Variants in SORCS2 observed in about 807,000 individuals in gnomAD.
SORCS2 encodes VPS10 domain-containing receptor SorCS2.
Under a neutral mutation model 141.6 loss-of-function variants are expected in SORCS2, and 100 were observed. That is an observed-to-expected ratio of 0.71 (90% CI 0.60 to 0.83). The LOEUF is 0.83. Among genes scored for constraint, SORCS2 ranks in the 40% least tolerant of loss-of-function variants. SORCS2 has a pLI of 0.00. For synonymous variants in SORCS2, 789 were observed against 676.9 expected, an observed-to-expected ratio of 1.17 and a Z score of -2.57; for missense variants, 1,646 against 1,560.2, an observed-to-expected ratio of 1.05 and a Z score of -0.93.
intron 1 of SORCS2, among the ~76,000 whole-genome samples, chr4:7,253,328 T>C (rs1372342061): frequency 6.6e-6 from 1 of 152,210 alleles, no homozygotes; most frequent in African/African-American, 2.4e-5. Context: ...GGCTCCATCC[T>C]GAATCTGTGG....
At chr4:7,723,418 GCCTCTC>G (rs918005817) in intron 18 of SORCS2, among the ~76,000 whole-genome samples, 3 of 152,112 alleles carry the variant, frequency 2.0e-5, no homozygotes, top group African/African-American at 4.8e-5. Context: ...ACACCCTTGG[GCCTCTC>G]CCTCTCCCTC....
chr4:7,297,856 G>A (rs188762923), intron 1 of SORCS2, among the ~76,000 whole-genome samples: 1 of 152,188 alleles, frequency 6.6e-6, no homozygotes, highest in African/African-American at 2.4e-5. Context: ...TGGCCCCACC[G>A]TCCAGAGGGC....
At chr4:7,226,704 C>T (rs529120537) in intron 1 of SORCS2, among the ~76,000 whole-genome samples, 48 of 152,310 alleles carry the variant, frequency 3.2e-4, no homozygotes, top group Non-Finnish European at 5.9e-4. Flanking sequence ...TGCAGTGGCC[C>T]TGCGGCGGCT....
rs144651342 is a variant in SORCS2, at chr4:7,369,783, C to T, written c.481-26505C>T. 3.1e-3 allele frequency among the ~76,000 whole-genome samples: 472 copies of T among 152,316 alleles called. 1 individual carries two copies. The highest frequency in any genetic ancestry group is 0.011 in the African/African-American group (462 of 41,568). On this transcript the variant is annotated intron_variant, in intron 1 of 26. Transcript: ENST00000507866. ...CAGATCCACCCGTGGATTTCGTCAG[C>T]GCATCTTCAGCCTCCCCACCATGGG...
At chr4:7,507,632 T>G (rs1246706618) in intron 2 of SORCS2, among the ~76,000 whole-genome samples, 1 of 152,198 alleles carries the variant, frequency 6.6e-6, no homozygotes, top group African/African-American at 2.4e-5. Flanking sequence ...GTGGAGTGAT[T>G]CCACTCAGCA....
At chr4:7,393,351 C>T (rs1048761502) in intron 1 of SORCS2, among the ~76,000 whole-genome samples, 7 of 152,102 alleles carry the variant, frequency 4.6e-5, no homozygotes, top group African/African-American at 1.7e-4. Context: ...ACGTCAGCCA[C>T]TGAAAAAAAC....
chr4:7,523,733 C>G (rs147536596), intron 2 of SORCS2, among the ~76,000 whole-genome samples: 292 of 152,314 alleles, frequency 1.9e-3, no homozygotes, highest in African/African-American at 6.4e-3. Flanking sequence ...ACTATCGACC[C>G]CTAGCTGCGT....
chr4:7,329,660 G>A (rs1719515542), intron 1 of SORCS2, among the ~76,000 whole-genome samples: 1 of 152,218 alleles, frequency 6.6e-6, no homozygotes, highest in Non-Finnish European at 1.5e-5. Flanking sequence ...TGTAACAAAT[G>A]CCCGCAAACT....
At position 7,400,164 on chromosome 4, in the gene SORCS2, C is replaced by T. The variant is rs187468849; in HGVS notation, c.548+3809C>T. Among the ~76,000 whole-genome samples the T allele has an allele frequency of 1.6e-3, 237 of 151,930 alleles. 2 individuals carry two copies. Among genetic ancestry groups the T allele is most frequent in the Non-Finnish European group, 6.8e-4 (46 of 67,962 alleles). On this transcript the variant is annotated intron_variant, in intron 2 of 26. Coordinates refer to ENST00000507866, the MANE Select transcript of SORCS2 (RefSeq NM_020777.3). ...ACCCCACCCCCGGCTCCTACCCCAT[C>T]CCCAGTCTCAGCTCCTCCCACTCTA...
At chr4:7,399,649 T>C (rs1405425505) in intron 2 of SORCS2, among the ~76,000 whole-genome samples, 2 of 152,134 alleles carry the variant, frequency 1.3e-5, no homozygotes, top group African/African-American at 4.8e-5. Context: ...AAGCCCCTGG[T>C]TGGCATCAGG....
intron 1 of SORCS2, among the ~76,000 whole-genome samples, chr4:7,200,054 G>A (rs10016445): frequency 0.044 from 6,692 of 152,172 alleles, 401 homozygotes; most frequent in African/African-American, 0.13. Flanking sequence ...CGGTTGCCCC[G>A]CGTGCAGGGC....
chr4:7,439,367 A>T (rs773486752), intron 2 of SORCS2, among the ~76,000 whole-genome samples: 1 of 152,190 alleles, frequency 6.6e-6, no homozygotes, highest in Non-Finnish European at 1.5e-5. Flanking sequence ...ACCCTAGAAT[A>T]TACCCAAGAC....
chr4:7,212,282 G>T (rs1235852351), intron 1 of SORCS2, among the ~76,000 whole-genome samples: 5 of 152,152 alleles, frequency 3.3e-5, no homozygotes, highest in African/African-American at 1.2e-4. Context: ...CTTCCCAGTT[G>T]GTTTAAAGTT....
chr4:7,443,315 G>T (rs1727794370), intron 2 of SORCS2, among the ~76,000 whole-genome samples: 1 of 152,160 alleles, frequency 6.6e-6, no homozygotes. Context: ...TCTGGAAGGG[G>T]AGGCCACCTG....
intron 3 of SORCS2, among the ~76,000 whole-genome samples, chr4:7,547,488 C>T (rs958738088): frequency 6.6e-6 from 1 of 152,268 alleles, no homozygotes; most frequent in Non-Finnish European, 1.5e-5. Flanking sequence ...TCCATGCCTG[C>T]AGGCCTGTGC....
chr4:7,268,017 C>T lies in SORCS2; in HGVS notation c.480+74891C>T, dbSNP rs190421164. 2.6e-3 allele frequency among the ~76,000 whole-genome samples: 394 copies of T among 152,272 alleles called. 2 individuals carry two copies. Among genetic ancestry groups the T allele is most frequent in the African/African-American group, 9.1e-3 (377 of 41,562 alleles). ...CCGGAAGATGCAGGCCCGCTGGTGC[C>T]GGCTGTGTGGGGTTTGGGGTTTGTG... On this transcript the variant is annotated intron_variant, in intron 1 of 26. Transcript: ENST00000507866.
chr4:7,569,248 C>T (rs1235239369), intron 3 of SORCS2, among the ~76,000 whole-genome samples: 2 of 152,180 alleles, frequency 1.3e-5, no homozygotes, highest in African/African-American at 2.4e-5. Context: ...TGTGGTGGCT[C>T]ATGCCTGTAA....
chr4:7,416,042 T>A (rs1725644355), intron 2 of SORCS2, among the ~76,000 whole-genome samples: 1 of 152,100 alleles, frequency 6.6e-6, no homozygotes, highest in Non-Finnish European at 1.5e-5. Context: ...CTAAGGAGTT[T>A]AGAGCGGCTA....
At chr4:7,475,907 A>T (rs1577626608) in intron 2 of SORCS2, among the ~76,000 whole-genome samples, 1 of 152,204 alleles carries the variant, frequency 6.6e-6, no homozygotes, top group African/African-American at 2.4e-5. Flanking sequence ...ATCTGGTGCC[A>T]CTGTCGTCCA....
Sources: gnomAD v4.1 joint callset for allele counts (sites outside exome capture counted in the v4.1 genomes callset) on GRCh38, gnomAD v4.1.1 for gene constraint, MANE v1.5 for transcripts, NCBI Gene and HGNC (gene_info 2026-07-23, HGNC 2026-07-21) for gene names.